PATL2: variants seen among roughly 807,000 people sequenced by gnomAD.
PATL2 encodes PAT1 homolog 2, also known as protein PAT1 homolog 2.
Under a neutral mutation model 77.0 loss-of-function variants are expected in PATL2, and 73 were observed. That is an observed-to-expected ratio of 0.95 (90% CI 0.78 to 1.15). The LOEUF (loss-of-function observed/expected upper bound fraction) is 1.15. PATL2 is among the 50% of genes most tolerant of loss of function. PATL2 has a pLI of 0.00. For missense variants in PATL2, 618 were observed against 655.4 expected, an observed-to-expected ratio of 0.94 and a Z score of 0.62; for synonymous variants, 265 against 257.1, an observed-to-expected ratio of 1.03 and a Z score of -0.29.
chr15:44,671,765 AAGAGT>A (rs764107572), intron 9 of PATL2, among the ~76,000 whole-genome samples: 1 of 152,228 alleles, frequency 6.6e-6, no homozygotes, highest in Non-Finnish European at 1.5e-5. Context: ...ATTCTTAGCA[AAGAGT>A]AGAGACAAAA....
chr15:44,668,994 C>A lies in PATL2; in HGVS notation c.1210G>T (p.Asp404Tyr). Residue 404 changes from aspartate to tyrosine, a missense_variant, in exon 14 of 18, where the codon GAT becomes TAT. Transcript: ENST00000682850. The part of the protein sequence containing the change: ...THHLPLLVRR[D>Y]VADQALQMLF... Reference sequence around the variant, plus strand: ...TGCCACAGTACCTGATCAGCCACATCCCTCCGGACCAGGAGGGGCAGATGG... The same window carrying A: ...TGCCACAGTACCTGATCAGCCACATACCTCCGGACCAGGAGGGGCAGATGG... The A allele has an allele frequency of 1.3e-6, 2 of 1,545,678 alleles. No homozygotes were observed. Among genetic ancestry groups the A allele is most frequent in the Non-Finnish European group, 1.7e-6 (2 of 1,143,488 alleles).
intron 3 of PATL2, among the ~76,000 whole-genome samples, chr15:44,688,836 G>A (rs2086321423): frequency 6.6e-6 from 1 of 152,130 alleles, no homozygotes; most frequent in African/African-American, 2.4e-5. Flanking sequence ...AAAAGCAATG[G>A]CAACAAAAGC....
intron 3 of PATL2, among the ~76,000 whole-genome samples, chr15:44,684,243 G>T (rs2086201249): frequency 6.6e-6 from 1 of 152,042 alleles, no homozygotes. Flanking sequence ...GACAGAGAAT[G>T]AGTTTGATGA....
intron 3 of PATL2, among the ~76,000 whole-genome samples, chr15:44,684,109 C>G (rs577056536): frequency 6.6e-6 from 1 of 150,570 alleles, no homozygotes; most frequent in African/African-American, 2.4e-5. Context: ...ACATCAAAGA[C>G]CAAAGGTAGA....
chr15:44,669,449 G>A, intron 12 of PATL2, 36 bp from the exon 13 acceptor site: 1 of 1,548,500 alleles, frequency 6.5e-7, no homozygotes, highest in South Asian at 1.2e-5. Context: ...AGGTAAATTT[G>A]GGTAATATCT....
In PATL2 at chr15:44,703,385, T is replaced by C. The variant is rs150560578; in HGVS notation, c.-76+6711A>G. Among the ~76,000 whole-genome samples, 229 of 152,258 alleles carry C rather than the reference T, an allele frequency of 1.5e-3. 3 individuals carry two copies. The highest frequency in any genetic ancestry group is 5.3e-3 in the African/African-American group (221 of 41,506). On this transcript the variant is annotated intron_variant, in intron 3 of 17. Transcript: ENST00000682850. ...TCTGTCCAATGCTGAAAGTGGGGTG[T>C]TGAAGTCTCCAGCTATTATTGTATT...
At chr15:44,698,061 T>A (rs532540605) in intron 3 of PATL2, among the ~76,000 whole-genome samples, 2 of 146,026 alleles carry the variant, frequency 1.4e-5, no homozygotes, top group East Asian at 2.0e-4. Context: ...TTAATTTTTT[T>A]ATTTTTATTT....
Position 44,666,417 on chromosome 15 carries a change from C to A in PATL2, c.1588G>T (p.Val530Phe). Reference protein sequence around the residue: ...LFCHHVDKQLVQQLEARMEFA... With the variant: ...LFCHHVDKQLFQQLEARMEFA... Reference sequence around the variant, plus strand: ...TCCATCCTGGCCTCCAGCTGCTGAACCAATTGTTTGTCCACGTGGTGACAG... The same window carrying A: ...TCCATCCTGGCCTCCAGCTGCTGAAACAATTGTTTGTCCACGTGGTGACAG... The change falls in exon 17 of 18, where the codon GTT becomes TTT. Residue 530 changes from valine (V) to phenylalanine (F), a missense_variant. Transcript: ENST00000682850. 2 of 1,551,704 alleles carry A rather than the reference C, an allele frequency of 1.3e-6. No homozygotes were observed. Among genetic ancestry groups the A allele is most frequent in the South Asian group, 2.4e-5 (2 of 84,056 alleles).
At position 44,674,354 on chromosome 15, in the gene PATL2, G is replaced by A. The variant is rs144906687; in HGVS notation, c.223-124C>T. 311 of 708,568 alleles carry A rather than the reference G, an allele frequency of 4.4e-4. 2 individuals are homozygous for A. Among genetic ancestry groups the A allele is most frequent in the African/African-American group, 4.3e-3 (239 of 55,478 alleles). 43.9% of individuals were successfully genotyped at this position (708,568 alleles called of 1,614,324 possible). Reference sequence around the variant, plus strand: ...CAGGTGTTCCAACATCCAGGGCAGTGGCAGCTTGGCCCTCCCTCAGATTCA... The same window carrying A: ...CAGGTGTTCCAACATCCAGGGCAGTAGCAGCTTGGCCCTCCCTCAGATTCA... On this transcript the variant is annotated intron_variant, in intron 5 of 17. Transcript: ENST00000682850.
chr15:44,705,339 C>T (rs1047357587), intron 3 of PATL2, among the ~76,000 whole-genome samples: 2 of 152,154 alleles, frequency 1.3e-5, no homozygotes, highest in East Asian at 3.9e-4. Flanking sequence ...CCTGCTGCCA[C>T]GTCCAGCTAA....
intron 3 of PATL2, among the ~76,000 whole-genome samples, chr15:44,693,850 C>T (rs1332678744): frequency 1.3e-5 from 2 of 152,044 alleles, no homozygotes; most frequent in Non-Finnish European, 2.9e-5. Context: ...CAGGCATGTG[C>T]CACCATGCCC....
intron 5 of PATL2, chr15:44,674,497 G>A (rs1486170198): frequency 2.5e-6 from 1 of 392,272 alleles, no homozygotes; most frequent in African/African-American, 2.0e-5. Flanking sequence ...CCTAGAACTG[G>A]ATAGTACTAA....
At chr15:44,677,598 T>G (rs1217848243) in intron 3 of PATL2, among the ~76,000 whole-genome samples, 1 of 152,190 alleles carries the variant, frequency 6.6e-6, no homozygotes, top group Non-Finnish European at 1.5e-5. Flanking sequence ...CAAGCAACCC[T>G]GGGTTCTGTG....
In PATL2 at chr15:44,672,411, C is replaced by T. The variant is rs763066949; in HGVS notation, c.492G>A (p.Gln164=). ...ACCTTGGTGTTTGACTATGCTGCTG[C>T]TGCTGCAAGATTCGTTGGTGCCGAG... ...LHPRHQRILQ[Q]QQHSQTPSPP... is the part of the protein sequence containing the mutation. The change falls in exon 8 of 18, where the codon CAG becomes CAA. Residue 164 remains glutamine, a synonymous_variant. Coordinates refer to ENST00000682850, the MANE Select transcript of PATL2 (RefSeq NM_001387263.1). 12 of 1,551,602 alleles carry T rather than the reference C, an allele frequency of 7.7e-6. No homozygotes were observed. The South Asian group carries it at 1.4e-4, about 18-fold the overall frequency.
chr15:44,696,609 T>C (rs887437714), intron 3 of PATL2, among the ~76,000 whole-genome samples: 2 of 152,164 alleles, frequency 1.3e-5, no homozygotes, highest in African/African-American at 4.8e-5. Flanking sequence ...TTCCCAACTT[T>C]TGTCTTTCCT....
At chr15:44,679,462 A>C (rs1373430685) in intron 3 of PATL2, among the ~76,000 whole-genome samples, 1 of 151,432 alleles carries the variant, frequency 6.6e-6, no homozygotes, top group Non-Finnish European at 1.5e-5. Flanking sequence ...TCCTGACCTC[A>C]GCTAATCCAC....
Position 44,673,275 on chromosome 15 carries a change from G to T in PATL2, c.406C>A (p.Leu136Ile). The part of the protein sequence containing the change: ...GPRLPSPDPT[L>I]FCSLLTSWPP... ...CACGAGGTCAGCAGGCTGCAGAAGA[G>T]AGTTGGGTCTGGTGAGGGCAGCCGA... Residue 136 changes from leucine to isoleucine, a missense_variant, in exon 7 of 18, where the codon CTC (leucine) becomes ATC (isoleucine). Transcript: ENST00000682850. 4 of 1,551,686 alleles carry T rather than the reference G, an allele frequency of 2.6e-6. No individual in the cohort carries two copies. The South Asian group carries it at 3.6e-5, about 14-fold the overall frequency.
rs747975569 is a variant in PATL2 at position 44,669,155 on chromosome 15, G to A, written c.1065-16C>T. The A allele has an allele frequency of 3.6e-5, 55 of 1,526,680 alleles. No individual in the cohort carries two copies. Among genetic ancestry groups the A allele is most frequent in the Admixed American group, 2.7e-4 (13 of 48,966 alleles). 94.6% of individuals were successfully genotyped at this position (1,526,680 alleles called of 1,614,324 possible). A position where few individuals can be genotyped will look rare whatever the true frequency, so the allele number is the denominator to read the frequency against. On this transcript the variant is annotated splice_polypyrimidine_tract_variant and intron_variant, in intron 13 of 17. Transcript: ENST00000682850. ...TGCTGCCTCTCTGCAAGGGAGAGAG[G>A]AGAACATTTTCAGAGCTCTGCATAG...
At chr15:44,672,657 A>G (rs2141194704) in intron 7 of PATL2, among the ~76,000 whole-genome samples, 1 of 152,312 alleles carries the variant, frequency 6.6e-6, no homozygotes, top group South Asian at 2.1e-4. Flanking sequence ...TTTTCCTGCA[A>G]TTTGGCTGCA....
Sources: gnomAD v4.1 joint callset for allele counts (sites outside exome capture counted in the v4.1 genomes callset) on GRCh38, gnomAD v4.1.1 for gene constraint, MANE v1.5 for transcripts, NCBI Gene and HGNC (gene_info 2026-07-23, HGNC 2026-07-21) for gene names.